Variants in LMTK2 observed in about 807,000 individuals in gnomAD.
LMTK2 encodes lemur tail kinase 2.
LMTK2 carries 37 observed loss-of-function variants against 127.5 expected under a neutral mutation model. That is an observed-to-expected ratio of 0.29 (90% confidence interval 0.22 to 0.38). LMTK2 has a LOEUF of 0.38. Ranked by LOEUF, LMTK2 falls within the 10% of genes least tolerant of loss-of-function variation. The pLI is 1.00. For missense variants in LMTK2, 1,694 were observed against 1,920.3 expected, an observed-to-expected ratio of 0.88 and a Z score of 2.20; for synonymous variants, 819 against 810.1, an observed-to-expected ratio of 1.01 and a Z score of -0.19.
intron 11 of LMTK2, among the ~76,000 whole-genome samples, chr7:98,199,966 T>C (rs1797683975): frequency 6.6e-6 from 1 of 152,266 alleles, no homozygotes; most frequent in African/African-American, 2.4e-5. Context: ...ATCATTTACC[T>C]TTAATAAAAT....
Position 98,193,529 on chromosome 7 carries a change from G to C in LMTK2, c.3064G>C (p.Val1022Leu), listed in dbSNP as rs528763949. 6.2e-7 allele frequency: 1 copy of C among 1,614,096 alleles called. No individual in the cohort carries two copies. The highest frequency in any genetic ancestry group is 2.2e-5 in the East Asian group (1 of 44,862). The part of the protein sequence containing the change: ...SLGSHTPQKL[V>L]PPDKPADSGY... ...AGGATCTCACACTCCCCAGAAACTAGTGCCCCCCGATAAGCCGGCAGACAG... is the reference window on the plus strand; with the variant it reads ...AGGATCTCACACTCCCCAGAAACTACTGCCCCCCGATAAGCCGGCAGACAG... Residue 1022 changes from valine to leucine, a missense_variant, in exon 11 of 14, where the codon GTG (valine) becomes CTG (leucine). Val to Leu is a conservative substitution (Grantham distance 32, BLOSUM62 1). This residue lies in a region of LMTK2 where 65 missense variants were observed against 116.5 expected (regional missense o/e 0.56). Coordinates refer to ENST00000297293, the MANE Select transcript of LMTK2 (RefSeq NM_014916.4). This position sits in a 1 kb window ranked among gnomAD's most constrained non-coding sequence, Gnocchi z 4.1.
intron 7 of LMTK2, among the ~76,000 whole-genome samples, chr7:98,181,572 G>T (rs1263694255): frequency 6.6e-6 from 1 of 152,192 alleles, no homozygotes; most frequent in Non-Finnish European, 1.5e-5. Context: ...AAACAGTGTT[G>T]TACTAGCATA....
At chr7:98,203,727 G>T (rs774419566) in intron 12 of LMTK2, 21 bp downstream of exon 12, 16 of 1,610,704 alleles carry the variant, frequency 9.9e-6, no homozygotes, top group Non-Finnish European at 1.4e-5. Flanking sequence ...TCATTGTCTA[G>T]TTTTAAAGGA....
intron 5 of LMTK2, among the ~76,000 whole-genome samples, chr7:98,158,998 C>T (rs1199299771): frequency 1.1e-4 from 16 of 152,144 alleles, no homozygotes; most frequent in Admixed American, 2.6e-4. Flanking sequence ...TTGGAGGCTG[C>T]AGTGAGCTAT....
rs116578034 is a variant in LMTK2 at position 98,204,238 on chromosome 7, G to A, written c.4483+52G>A. Reference sequence around the variant, plus strand: ...GGGAGTGCAGGGTCGGGGGTGGGGCGCTGCAGCTGGGAGATGGTGGTTTTG... The same window carrying A: ...GGGAGTGCAGGGTCGGGGGTGGGGCACTGCAGCTGGGAGATGGTGGTTTTG... On this transcript the variant is annotated intron_variant, in intron 13 of 13. Coordinates refer to ENST00000297293, the MANE Select transcript of LMTK2 (RefSeq NM_014916.4). The A allele has an allele frequency of 2.0e-3, 2,837 of 1,451,338 alleles. 53 individuals are homozygous for A. The African/African-American group carries it at 0.036, about 18-fold the overall frequency. The allele number at this position is 1,451,338 out of a possible 1,614,324, so 89.9% of individuals were successfully genotyped here.
intron 1 of LMTK2, among the ~76,000 whole-genome samples, chr7:98,120,792 T>G (rs1332118107): frequency 2.0e-5 from 3 of 152,096 alleles, no homozygotes; most frequent in Non-Finnish European, 4.4e-5. Flanking sequence ...AGACTGTTAT[T>G]AAAATGCAAC....
chr7:98,184,051 T>G (rs1230677604), intron 7 of LMTK2, among the ~76,000 whole-genome samples: 1 of 152,100 alleles, frequency 6.6e-6, no homozygotes, highest in Non-Finnish European at 1.5e-5. Flanking sequence ...TTTGAAAGTT[T>G]TAGAGCAGGA....
chr7:98,190,950 G>A (rs779298043), intron 10 of LMTK2, 73 bp downstream of exon 10: 31 of 1,420,890 alleles, frequency 2.2e-5, no homozygotes, highest in Non-Finnish European at 2.3e-5. Flanking sequence ...AAAAAAATTC[G>A]TGGGCCAAAT....
intron 11 of LMTK2, 110 bp from the exon 12 acceptor site, chr7:98,203,464 G>T: frequency 1.4e-6 from 2 of 1,384,820 alleles, no homozygotes; most frequent in Non-Finnish European, 1.9e-6. Context: ...GTCTTGAGAC[G>T]CTTACTTCTC....
chr7:98,128,989 A>T (rs1796481865), intron 1 of LMTK2, among the ~76,000 whole-genome samples: 2 of 152,180 alleles, frequency 1.3e-5, no homozygotes, highest in Admixed American at 6.5e-5. Flanking sequence ...GTATGTCAAC[A>T]GTGGGAAAAT....
chr7:98,108,079 C>T (rs552531895), intron 1 of LMTK2, among the ~76,000 whole-genome samples: 2 of 152,260 alleles, frequency 1.3e-5, no homozygotes, highest in Admixed American at 1.3e-4. Context: ...TATTGACTGC[C>T]GCCATTACCT....
chr7:98,159,595 CACTT>C (rs748749414), intron 6 of LMTK2, among the ~76,000 whole-genome samples, 170 bp downstream of exon 6: 41 of 152,238 alleles, frequency 2.7e-4, no homozygotes, highest in Non-Finnish European at 5.7e-4. Flanking sequence ...TGTTGACTGA[CACTT>C]ACATAGTGGT....
intron 6 of LMTK2, among the ~76,000 whole-genome samples, chr7:98,160,255 A>G (rs1368629258): frequency 6.6e-6 from 1 of 152,268 alleles, no homozygotes; most frequent in East Asian, 1.9e-4. Context: ...ACAAATTCCC[A>G]GTTAATTCAA....
intron 9 of LMTK2, 97 bp downstream of exon 9, chr7:98,187,095 AT>A: frequency 9.0e-7 from 1 of 1,116,724 alleles, no homozygotes; most frequent in Non-Finnish European, 1.3e-6. Context: ...GTTGTATAAG[AT>A]GTAGGAACAA....
At chr7:98,131,372 T>C (rs1796517935) in intron 1 of LMTK2, among the ~76,000 whole-genome samples, 1 of 152,202 alleles carries the variant, frequency 6.6e-6, no homozygotes, top group South Asian at 2.1e-4. Flanking sequence ...ACTCTCCCTC[T>C]CTTCATCTCT....
intron 6 of LMTK2, among the ~76,000 whole-genome samples, chr7:98,162,203 AG>A (rs1797027071): frequency 6.6e-6 from 1 of 152,202 alleles, no homozygotes. Context: ...TTTTGGGACT[AG>A]TAATTTAACC....
intron 7 of LMTK2, among the ~76,000 whole-genome samples, chr7:98,174,862 C>T (rs190315956): frequency 1.3e-5 from 2 of 152,170 alleles, no homozygotes; most frequent in East Asian, 1.9e-4. Context: ...CAGAGAAATA[C>T]ATTTAAAATC....
intron 2 of LMTK2, among the ~76,000 whole-genome samples, chr7:98,138,547 A>G (rs1308082194): frequency 2.0e-5 from 3 of 152,164 alleles, no homozygotes; most frequent in Non-Finnish European, 4.4e-5. Context: ...GGTTTTACTC[A>G]CAACATCAGT....
intron 7 of LMTK2, among the ~76,000 whole-genome samples, chr7:98,174,004 C>T (rs189551526): frequency 5.3e-5 from 8 of 150,884 alleles, no homozygotes; most frequent in Non-Finnish European, 1.0e-4. Flanking sequence ...TGCAGTGAGC[C>T]GAGATCATGC....
Sources: gnomAD v4.1 joint callset for allele counts (sites outside exome capture counted in the v4.1 genomes callset) on GRCh38, gnomAD v4.1.1 for gene constraint, gnomAD v4.1.1 regional missense constraint, Gnocchi (gnomAD v3.1) non-coding constraint, MANE v1.5 for transcripts, NCBI Gene and HGNC (gene_info 2026-07-23, HGNC 2026-07-21) for gene names.